The following SPON1 variants were observed in gnomAD, a reference collection of about 807,000 sequenced individuals.
SPON1 encodes the protein spondin 1.
A neutral mutation model predicts 111.7 loss-of-function variants in SPON1; 52 were observed. The ratio of observed to expected loss-of-function variants is 0.47; its 90% CI spans 0.37 to 0.59. The LOEUF (loss-of-function observed/expected upper bound fraction) is 0.59, where lower values mean the gene tolerates loss of function less well. Ranked by LOEUF, SPON1 falls within the 20% of genes least tolerant of loss-of-function variation. The pLI is 0.00. For synonymous variants in SPON1, 410 were observed against 395.8 expected (o/e 1.04, Z -0.43); for missense variants, 957 against 1,068.5 (o/e 0.90, Z 1.46).
intron 7 of SPON1, among the ~76,000 whole-genome samples, chr11:14,249,278 T>C (rs1240673231): frequency 6.6e-6 from 1 of 152,138 alleles, no homozygotes; most frequent in Non-Finnish European, 1.5e-5. Flanking sequence ...TCCCTTAAAT[T>C]GGGCCGGAAG....
chr11:14,105,716 CT>C (rs1277127394), intron 5 of SPON1, among the ~76,000 whole-genome samples: 6 of 152,034 alleles, frequency 3.9e-5, no homozygotes, highest in Admixed American at 6.6e-5. Flanking sequence ...GCTGCTATTT[CT>C]GAAACCTTTG....
intron 6 of SPON1, among the ~76,000 whole-genome samples, chr11:14,146,826 A>T (rs533382155): frequency 6.6e-6 from 1 of 152,292 alleles, no homozygotes; most frequent in Non-Finnish European, 1.5e-5. Context: ...ATATGAAAAA[A>T]GTATAATTTT....
intron 6 of SPON1, among the ~76,000 whole-genome samples, chr11:14,148,176 TTAAA>T (rs1401884863): frequency 2.0e-5 from 3 of 152,182 alleles, no homozygotes; most frequent in African/African-American, 7.2e-5. Flanking sequence ...AGGGGACCAG[TTAAA>T]TAAATATGAG....
intron 3 of SPON1, among the ~76,000 whole-genome samples, chr11:14,067,692 T>C (rs1435431883): frequency 4.6e-5 from 7 of 152,198 alleles, no homozygotes; most frequent in Admixed American, 2.6e-4. Flanking sequence ...CTTCCCGTTA[T>C]GTTACTGAGG....
chr11:14,140,277 T>C (rs908364592), intron 6 of SPON1, among the ~76,000 whole-genome samples: 14 of 152,270 alleles, frequency 9.2e-5, no homozygotes, highest in African/African-American at 3.1e-4. Context: ...AATTGTCTCT[T>C]TCAGATTATT....
At chr11:14,043,545 C>T (rs1207942208) in intron 3 of SPON1, among the ~76,000 whole-genome samples, 4 of 152,182 alleles carry the variant, frequency 2.6e-5, no homozygotes, top group African/African-American at 9.6e-5. Context: ...ACTCTTAGCC[C>T]AGAGACTGGG....
At chr11:14,187,092 G>A (rs1288099910) in intron 6 of SPON1, among the ~76,000 whole-genome samples, 9 of 152,178 alleles carry the variant, frequency 5.9e-5, no homozygotes, top group Non-Finnish European at 1.0e-4. Context: ...TACTCATGAC[G>A]GAAGGCAAGG....
intron 7 of SPON1, among the ~76,000 whole-genome samples, chr11:14,245,592 C>T (rs190017214): frequency 1.4e-4 from 22 of 152,264 alleles, no homozygotes; most frequent in African/African-American, 5.1e-4. Context: ...GGAAGGTGTT[C>T]CTTGTGCTGG....
intron 3 of SPON1, among the ~76,000 whole-genome samples, chr11:14,067,707 A>G (rs889234466): frequency 1.3e-5 from 2 of 152,200 alleles, no homozygotes. Flanking sequence ...CTGAGGCCAC[A>G]TGTGGGTCAC....
intron 5 of SPON1, among the ~76,000 whole-genome samples, chr11:14,124,175 TAC>T (rs1264171348): frequency 2.0e-5 from 3 of 152,210 alleles, no homozygotes; most frequent in East Asian, 3.9e-4. Context: ...CCAGTCTTTA[TAC>T]ACACACACTC....
intron 5 of SPON1, among the ~76,000 whole-genome samples, chr11:14,101,548 G>C (rs1479845538): frequency 6.6e-6 from 1 of 150,788 alleles, no homozygotes; most frequent in Non-Finnish European, 1.5e-5. Flanking sequence ...TTCTCTTTCT[G>C]AGCCTCTGGT....
intron 3 of SPON1, among the ~76,000 whole-genome samples, chr11:14,073,010 T>C (rs1848889212): frequency 6.6e-6 from 1 of 152,174 alleles, no homozygotes; most frequent in Admixed American, 6.5e-5. Flanking sequence ...ATTTGTGATT[T>C]TTTTTTTCAG....
At position 14,265,765 on chromosome 11, in the gene SPON1, A is replaced by G. The variant is rs542634617; in HGVS notation, c.*78A>G. On this transcript the variant is annotated 3_prime_UTR_variant, in exon 16 of 16. Transcript: ENST00000576479. Reference sequence around the variant, plus strand: ...CTGGATTATTTGCTTGTTTAAGACAATTTAAATTGTGTACGCTAGTTTTCA... The same window carrying G: ...CTGGATTATTTGCTTGTTTAAGACAGTTTAAATTGTGTACGCTAGTTTTCA... The G allele has an allele frequency of 2.1e-5, 32 of 1,494,856 alleles. No homozygotes were observed. In the South Asian group the frequency reaches 4.1e-4, roughly 19 times the overall value. 92.6% of individuals were successfully genotyped at this position (1,494,856 alleles called of 1,614,324 possible).
At position 14,228,165 on chromosome 11, in the gene SPON1, G is replaced by A. The variant is rs1848760676; in HGVS notation, c.826-15167G>A. ...TGCAATGCTGACCCTCGTAGCCTGG[G>A]TCCTTCCGAGTTTGGTATGCATACA... On this transcript the variant is annotated intron_variant, in intron 6 of 15. Transcript: ENST00000576479. This position sits in a 1 kb window ranked among gnomAD's most constrained non-coding sequence, Gnocchi z 4.2. Among the ~76,000 whole-genome samples, 1 of 152,130 alleles carries A rather than the reference G, an allele frequency of 6.6e-6. No individual in the cohort carries two copies. The highest frequency in any genetic ancestry group is 1.5e-5 in the Non-Finnish European group (1 of 68,026).
chr11:13,965,078 TA>T (rs1167377168), intron 1 of SPON1, among the ~76,000 whole-genome samples: 2 of 152,138 alleles, frequency 1.3e-5, no homozygotes, highest in African/African-American at 4.8e-5. Flanking sequence ...AGATTCCTAA[TA>T]AGCCTAACAG....
chr11:14,150,726 G>GTAA (rs1847777272), intron 6 of SPON1, among the ~76,000 whole-genome samples: 1 of 152,136 alleles, frequency 6.6e-6, no homozygotes. Context: ...TGCTGAAATG[G>GTAA]TAATCATTTG....
At chr11:14,114,573 G>A (rs1849252696) in intron 5 of SPON1, among the ~76,000 whole-genome samples, 1 of 152,130 alleles carries the variant, frequency 6.6e-6, no homozygotes, top group Non-Finnish European at 1.5e-5. Flanking sequence ...CCAGGCCTTT[G>A]CACAGGCTGT....
At chr11:14,047,817 A>G (rs572489081) in intron 3 of SPON1, among the ~76,000 whole-genome samples, 8 of 152,342 alleles carry the variant, frequency 5.3e-5, no homozygotes, top group Admixed American at 1.3e-4. Flanking sequence ...GACAAAATCT[A>G]TTGCTAAATC....
intron 6 of SPON1, among the ~76,000 whole-genome samples, chr11:14,197,100 A>C (rs1375712902): frequency 6.6e-6 from 1 of 152,184 alleles, no homozygotes; most frequent in Non-Finnish European, 1.5e-5. Flanking sequence ...TTTCCTGAGA[A>C]TCTAGCTCAG....
Sources: allele counts gnomAD v4.1 joint callset (sites outside exome capture counted in the v4.1 genomes callset), GRCh38; gene constraint gnomAD v4.1.1; non-coding constraint Gnocchi (gnomAD v3.1); transcripts MANE v1.5; gene names NCBI Gene and HGNC (gene_info 2026-07-23, HGNC 2026-07-21).